The following LINGO2 variants were observed in gnomAD, a reference collection of about 807,000 sequenced individuals.
LINGO2 encodes leucine-rich repeat and immunoglobulin-like domain-containing nogo receptor-interacting protein 2.
A neutral mutation model predicts 30.6 loss-of-function variants in LINGO2; 14 were observed. The ratio of observed to expected loss-of-function variants is 0.46; its 90% CI spans 0.30 to 0.72. The LOEUF is 0.72. Among genes scored for constraint, LINGO2 ranks in the 30% least tolerant of loss-of-function variants. LINGO2 has a pLI of 0.07. For synonymous variants in LINGO2, 317 were observed against 288.5 expected (o/e 1.10, Z -1.00); for missense variants, 729 against 751.7 (o/e 0.97, Z 0.35).
the LINGO2 span, among the ~76,000 whole-genome samples, chr9:29,198,525 T>C: frequency 6.6e-6 from 1 of 151,986 alleles, no homozygotes; most frequent in Non-Finnish European, 1.5e-5. Context: ...GACAGAAGAG[T>C]TAATGTCTGA....
chr9:28,340,415 AT>A (rs1272417983), intron 3 of LINGO2, among the ~76,000 whole-genome samples: 1 of 152,158 alleles, frequency 6.6e-6, no homozygotes, highest in East Asian at 1.9e-4. Context: ...AACACATTAC[AT>A]TCTTTCTGGA....
intron 2 of LINGO2, among the ~76,000 whole-genome samples, chr9:28,437,537 A>G (rs114717025): frequency 8.1e-6 from 1 of 122,792 alleles, no homozygotes; most frequent in African/African-American, 3.3e-5. Context: ...ACAGACACAT[A>G]TACACACAGA....
the LINGO2 span, among the ~76,000 whole-genome samples, chr9:28,755,184 CA>C: frequency 4.6e-3 from 703 of 152,082 alleles, 14 homozygotes; most frequent in African/African-American, 0.016. Flanking sequence ...GAATAAATTA[CA>C]AAATGTTAAA....
intron 4 of LINGO2, among the ~76,000 whole-genome samples, chr9:28,119,026 G>T (rs527656595): frequency 1.4e-5 from 2 of 145,822 alleles, no homozygotes; most frequent in African/African-American, 5.1e-5. Flanking sequence ...TATAATTTTC[G>T]TTAAAACATT....
intron 3 of LINGO2, among the ~76,000 whole-genome samples, chr9:28,340,643 A>C (rs1382447591): frequency 1.3e-5 from 2 of 152,142 alleles, no homozygotes; most frequent in Non-Finnish European, 2.9e-5. Context: ...TGGTTTATTC[A>C]AAACTCAAAT....
chr9:28,564,907 C>T (rs1054716191), intron 1 of LINGO2, among the ~76,000 whole-genome samples: 2 of 152,042 alleles, frequency 1.3e-5, no homozygotes, highest in Non-Finnish European at 2.9e-5. Context: ...TTCTATGGCA[C>T]AGCACTGCTG....
chr9:28,464,531 C>T (rs1825219911), intron 2 of LINGO2, among the ~76,000 whole-genome samples: 2 of 152,068 alleles, frequency 1.3e-5, no homozygotes, highest in South Asian at 2.1e-4. Context: ...TAAAAATGTT[C>T]CTGCTTTGAA....
intron 1 of LINGO2, among the ~76,000 whole-genome samples, chr9:28,612,909 T>G (rs897372692): frequency 6.6e-6 from 1 of 152,136 alleles, no homozygotes; most frequent in Non-Finnish European, 1.5e-5. Flanking sequence ...TTAATTCCCA[T>G]AATCCCCAAG....
intron 1 of LINGO2, among the ~76,000 whole-genome samples, chr9:28,632,854 T>TATATATATATATATATATATATATATA (rs1563878982): frequency 1.1e-4 from 9 of 83,044 alleles, no homozygotes; most frequent in African/African-American, 6.1e-4. Context: ...TATATATATT[T>TATATATATATATATATATATATATATA]TTTATATATA....
the LINGO2 span, among the ~76,000 whole-genome samples, chr9:28,882,690 C>T: frequency 6.6e-6 from 1 of 152,114 alleles, no homozygotes; most frequent in Admixed American, 6.5e-5. Context: ...TGTCATTGTC[C>T]TACACCTCGT....
chr9:28,477,195 C>T (rs948389133), intron 1 of LINGO2, among the ~76,000 whole-genome samples: 2 of 152,186 alleles, frequency 1.3e-5, no homozygotes, highest in African/African-American at 4.8e-5. Flanking sequence ...CTACATGACA[C>T]TGCCACTTGT....
chr9:28,297,939 A>G (rs188373715), intron 3 of LINGO2, among the ~76,000 whole-genome samples: 65 of 152,206 alleles, frequency 4.3e-4, no homozygotes, highest in African/African-American at 1.4e-3. Context: ...ATGCTATTGT[A>G]TAAGTTGCTT....
At chr9:29,129,140 T>C in the LINGO2 span, among the ~76,000 whole-genome samples, 1 of 152,132 alleles carries the variant, frequency 6.6e-6, no homozygotes, top group Non-Finnish European at 1.5e-5. Context: ...CAAATGAGAC[T>C]AATTTAATGT....
chr9:28,017,794 T>G (rs1475963985), intron 4 of LINGO2, among the ~76,000 whole-genome samples: 4 of 152,060 alleles, frequency 2.6e-5, no homozygotes, highest in African/African-American at 9.7e-5. Flanking sequence ...CAAAGCAGTA[T>G]GATTCAATGC....
rs528584169 is a variant in LINGO2 at position 28,479,845 on chromosome 9, CTG to C, written c.-364-3822_-364-3821del. 7.2e-3 allele frequency among the ~76,000 whole-genome samples: 432 copies of C among 60,144 alleles called. 1 individual carries two copies. The highest frequency in any genetic ancestry group is 0.029 in the Middle Eastern group (3 of 104). The allele number at this position is 60,144 out of a possible 152,430, so 39.5% of individuals were successfully genotyped here. A position where few individuals can be genotyped will look rare whatever the true frequency, so the allele number is the denominator to read the frequency against. ...GTCTTAACTACTGGAACCATGTCAT[CTG>C]TGTGTGTGTGTGTGTGTGTGTGTGT... On this transcript the variant is annotated intron_variant, in intron 1 of 5. Coordinates refer to ENST00000379992, the Ensembl canonical transcript of LINGO2.
At chr9:28,590,098 C>T (rs1055003876) in intron 1 of LINGO2, among the ~76,000 whole-genome samples, 9 of 152,012 alleles carry the variant, frequency 5.9e-5, no homozygotes, top group Non-Finnish European at 8.8e-5. Flanking sequence ...AACTGGCTAG[C>T]CATATGTAGA....
intron 1 of LINGO2, among the ~76,000 whole-genome samples, chr9:28,587,228 G>A (rs1012382047): frequency 6.6e-6 from 1 of 151,994 alleles, no homozygotes; most frequent in Non-Finnish European, 1.5e-5. Flanking sequence ...TCTGATGGAG[G>A]CTGACAAGTT....
chr9:28,516,668 T>C (rs765272996), intron 1 of LINGO2, among the ~76,000 whole-genome samples: 8 of 152,176 alleles, frequency 5.3e-5, no homozygotes, highest in Non-Finnish European at 8.8e-5. Context: ...CTGAGGACAA[T>C]ATTTGATATT....
intron 4 of LINGO2, among the ~76,000 whole-genome samples, chr9:28,137,226 C>CACACAA (rs1554677426): frequency 4.7e-5 from 7 of 149,764 alleles, no homozygotes; most frequent in Non-Finnish European, 8.9e-5. Flanking sequence ...CACACACACA[C>CACACAA]AAATTGGTTT....
Sources: gnomAD v4.1 joint callset for allele counts (sites outside exome capture counted in the v4.1 genomes callset) on GRCh38, gnomAD v4.1.1 for gene constraint, MANE v1.5 for transcripts, NCBI Gene and HGNC (gene_info 2026-07-23, HGNC 2026-07-21) for gene names.